The following STPG2 variants were observed in gnomAD, a reference collection of about 807,000 sequenced individuals.
STPG2 encodes sperm tail PG-rich repeat containing 2.
Under a neutral mutation model 54.2 loss-of-function variants are expected in STPG2, and 56 were observed. The ratio of observed to expected loss-of-function variants is 1.03; its 90% confidence interval spans 0.83 to 1.29. STPG2 has a LOEUF of 1.29. Ranked by LOEUF, STPG2 falls within the 50% of genes most tolerant of loss-of-function variation. The pLI is 0.00. For missense variants in STPG2, 596 were observed against 544.9 expected (o/e 1.09, Z -0.93); for synonymous variants, 200 against 181.8 (o/e 1.10, Z -0.81).
At chr4:97,787,443 A>G (rs763429039) in intron 9 of STPG2, among the ~76,000 whole-genome samples, 5 of 152,056 alleles carry the variant, frequency 3.3e-5, no homozygotes, top group Non-Finnish European at 5.9e-5. Flanking sequence ...TTTATTTTCA[A>G]TTGTTAAACA....
At chr4:97,799,075 G>A (rs1164902967) in intron 9 of STPG2, among the ~76,000 whole-genome samples, 3 of 127,492 alleles carry the variant, frequency 2.4e-5, no homozygotes, top group Non-Finnish European at 4.9e-5. Flanking sequence ...GCCTCTGTGT[G>A]TCTCTGCATG....
In STPG2 at chr4:97,634,062, G is replaced by C. The variant is rs111945870; in HGVS notation, c.1321-74945C>G. ...CAGGGCACAGACAAACAAAAAGACC[G>C]CAGTAACCTCTGCAGACTTAAATGT... On this transcript the variant is annotated intron_variant, in intron 10 of 10. Transcript: ENST00000295268. Among the ~76,000 whole-genome samples, 1,208 of 152,266 alleles carry C rather than the reference G, an allele frequency of 7.9e-3. 11 individuals carry two copies. The highest frequency in any genetic ancestry group is 0.013 in the Non-Finnish European group (856 of 68,020).
chr4:97,852,593 A>C (rs1473288883), intron 8 of STPG2, among the ~76,000 whole-genome samples: 1 of 152,214 alleles, frequency 6.6e-6, no homozygotes, highest in Non-Finnish European at 1.5e-5. Context: ...AATGGTGGGC[A>C]GGATGATCCA....
intron 7 of STPG2, among the ~76,000 whole-genome samples, chr4:97,957,616 A>T (rs899470899): frequency 1.3e-5 from 2 of 152,146 alleles, no homozygotes; most frequent in Admixed American, 1.3e-4. Flanking sequence ...GGAAAATGTT[A>T]TCAGGTTATC....
chr4:97,924,628 A>C (rs1732265663), intron 8 of STPG2, among the ~76,000 whole-genome samples: 1 of 152,222 alleles, frequency 6.6e-6, no homozygotes, highest in African/African-American at 2.4e-5. Context: ...ATACTAATGC[A>C]AGGTTTACTC....
intron 5 of STPG2, among the ~76,000 whole-genome samples, chr4:98,036,009 G>C (rs1245099489): frequency 6.6e-6 from 1 of 152,040 alleles, no homozygotes; most frequent in Non-Finnish European, 1.5e-5. Flanking sequence ...ATGGGTTTAT[G>C]GGTGCAGCAA....
intron 5 of STPG2, among the ~76,000 whole-genome samples, chr4:98,027,202 T>C (rs755117004): frequency 1.3e-5 from 2 of 152,202 alleles, no homozygotes; most frequent in African/African-American, 4.8e-5. Flanking sequence ...ATAACATACA[T>C]TTATTAACTT....
chr4:97,482,679 A>G (rs1730252887), intron 4 of STPG2, among the ~76,000 whole-genome samples: 1 of 151,646 alleles, frequency 6.6e-6, no homozygotes, highest in South Asian at 2.1e-4. Flanking sequence ...CTAGAGACCT[A>G]TATGACAAAA....
At chr4:97,961,061 G>C (rs896558650) in intron 7 of STPG2, among the ~76,000 whole-genome samples, 3 of 150,692 alleles carry the variant, frequency 2.0e-5, no homozygotes, top group African/African-American at 7.3e-5. Context: ...CAGTCAACTG[G>C]TCTTCAACAA....
intron 5 of STPG2, among the ~76,000 whole-genome samples, chr4:98,102,247 A>G (rs1436922404): frequency 2.6e-5 from 4 of 152,178 alleles, no homozygotes. Context: ...GATCTCCTAT[A>G]TGCCTCTATA....
intron 9 of STPG2, among the ~76,000 whole-genome samples, chr4:97,714,701 T>C (rs1724235399): frequency 6.6e-6 from 1 of 152,052 alleles, no homozygotes; most frequent in South Asian, 2.1e-4. Context: ...ACACAAACTA[T>C]GTAAGGGAAA....
intron 10 of STPG2, among the ~76,000 whole-genome samples, chr4:97,570,193 AC>A (rs1317944703): frequency 6.6e-6 from 1 of 152,192 alleles, no homozygotes; most frequent in African/African-American, 2.4e-5. Flanking sequence ...GCTTCAGATA[AC>A]ATTATTGTGA....
In STPG2 at chr4:97,947,006, G is replaced by A. The variant is rs573799096; in HGVS notation, c.934-2999C>T. 1.6e-3 allele frequency among the ~76,000 whole-genome samples: 246 copies of A among 152,198 alleles called. 3 individuals carry two copies. Among genetic ancestry groups the A allele is most frequent in the African/African-American group, 5.7e-3 (236 of 41,508 alleles). The stretch of plus-strand genomic sequence containing the variant: ...GCAGTATGGTCATTTTCATAATATT[G>A]ATTCTTGCAATCCGTGAGAATGGGA... On this transcript the variant is annotated intron_variant, in intron 7 of 10. Coordinates refer to ENST00000295268, the MANE Select transcript of STPG2 (RefSeq NM_174952.3).
chr4:98,085,815 G>A (rs1296430462), intron 5 of STPG2, among the ~76,000 whole-genome samples: 2 of 151,896 alleles, frequency 1.3e-5, no homozygotes, highest in Non-Finnish European at 2.9e-5. Flanking sequence ...ATTAAAAAAG[G>A]AATCCAAGGA....
intron 9 of STPG2, among the ~76,000 whole-genome samples, chr4:97,830,567 G>C (rs1221769645): frequency 3.3e-5 from 5 of 152,042 alleles, no homozygotes; most frequent in Non-Finnish European, 5.9e-5. Flanking sequence ...CCAATTAAAA[G>C]ACACAGACTG....
intron 8 of STPG2, among the ~76,000 whole-genome samples, chr4:97,929,415 T>TGGGG (rs1304260640): frequency 6.6e-6 from 1 of 152,326 alleles, no homozygotes; most frequent in Non-Finnish European, 1.5e-5. Context: ...CTGGGTTGAA[T>TGGGG]GGGATTTCTG....
intron 4 of STPG2, among the ~76,000 whole-genome samples, chr4:97,515,546 G>A (rs1194244675): frequency 6.6e-6 from 1 of 152,046 alleles, no homozygotes; most frequent in African/African-American, 2.4e-5. Flanking sequence ...ATTGTAAGTT[G>A]AGGGAGCAAT....
At chr4:97,783,763 A>G (rs1726729935) in intron 9 of STPG2, among the ~76,000 whole-genome samples, 1 of 152,206 alleles carries the variant, frequency 6.6e-6, no homozygotes, top group Admixed American at 6.5e-5. Flanking sequence ...ATGAGTTCAC[A>G]TCCTTTGTAG....
At chr4:97,840,746 T>C (rs367684190) in intron 9 of STPG2, 27 bp downstream of exon 9, 2 of 1,579,122 alleles carry the variant, frequency 1.3e-6, no homozygotes, top group Non-Finnish European at 1.7e-6. Context: ...TTTTTCCTCA[T>C]AGCTTTATAA....
Sources: allele counts gnomAD v4.1 joint callset (sites outside exome capture counted in the v4.1 genomes callset), GRCh38; gene constraint gnomAD v4.1.1; transcripts MANE v1.5; gene names NCBI Gene and HGNC (gene_info 2026-07-23, HGNC 2026-07-21).